Variants in SETD4 observed in about 807,000 individuals in gnomAD.
The protein encoded by SETD4 is SET domain-containing protein 4.
A neutral mutation model predicts 58.3 loss-of-function variants in SETD4; 46 were observed. The observed-to-expected ratio is 0.79, with a 90% CI of 0.62 to 1.01. SETD4 has a LOEUF of 1.01. Ranked by LOEUF, SETD4 falls within the 50% of genes least tolerant of loss-of-function variation. SETD4 has a pLI of 0.00. For synonymous variants in SETD4, 190 were observed against 202.6 expected (o/e 0.94, Z 0.53); for missense variants, 490 against 523.3 (o/e 0.94, Z 0.62).
intron 4 of SETD4, chr21:36,053,310 G>A: frequency 1.9e-6 from 1 of 515,740 alleles, no homozygotes; most frequent in Non-Finnish European, 3.5e-6. Context: ...CCAGCCATGG[G>A]ACTGCCCCAC....
At position 36,057,099 on chromosome 21, in the gene SETD4, T is replaced by C. The variant is rs745317966; in HGVS notation, c.169+10A>G. 43 of 1,612,486 alleles carry C rather than the reference T, an allele frequency of 2.7e-5. No individual in the cohort carries two copies. The Admixed American group carries it at 4.8e-4, about 18-fold the overall frequency. The stretch of plus-strand genomic sequence containing the variant: ...GGGAAAGGGCAGGACAGCTGAAGGC[T>C]AGATCTTACCTGGAAAACAAGCAGG... On this transcript the variant is annotated intron_variant, in intron 3 of 11. Coordinates refer to ENST00000332131, the MANE Select transcript of SETD4 (RefSeq NM_017438.5).
At position 36,045,895 on chromosome 21, in the gene SETD4, G is replaced by GAT; in HGVS notation, c.412_413insAT (p.Thr138AsnfsTer12). 6.2e-7 allele frequency: 1 copy of GAT among 1,614,210 alleles called. No individual in the cohort carries two copies. Among genetic ancestry groups the GAT allele is most frequent in the Non-Finnish European group, 8.5e-7 (1 of 1,180,044 alleles). On this transcript the variant is annotated frameshift_variant, in exon 6 of 12. Coordinates refer to ENST00000332131, the MANE Select transcript of SETD4 (RefSeq NM_017438.5). LOFTEE classifies it high-confidence loss of function. Reference sequence around the variant, plus strand: ...TTCCGGCTCCAAACAAACAGGGCAGGTATACGCCTTGGGTAAAATCTCCAG... The same window carrying GAT: ...TTCCGGCTCCAAACAAACAGGGCAGGATTATACGCCTTGGGTAAAATCTCCAG...
chr21:36,045,612 CA>C lies in SETD4; in HGVS notation c.695del (p.Leu232ArgfsTer4). 2 of 1,614,046 alleles carry C rather than the reference CA, an allele frequency of 1.2e-6. No individual in the cohort carries two copies. The highest frequency in any genetic ancestry group is 1.7e-6 in the Non-Finnish European group (2 of 1,179,996). ...EPDTCALAPY[L>X]DLLNHSPHVQ... ...CATGTGGGCTATGATTCAGCAGGTC[CA>C]GGTACGGAGCGAGTGCACAGGTGTC... On this transcript the variant is annotated frameshift_variant, in exon 6 of 12. Transcript: ENST00000332131. LOFTEE classifies it high-confidence loss of function.
Position 36,048,296 on chromosome 21 carries a change from G to A in SETD4, c.296+12C>T, listed in dbSNP as rs114790529. 2,343 of 1,607,614 alleles carry A rather than the reference G, an allele frequency of 1.5e-3. 28 individuals are homozygous for A. The African/African-American group carries it at 0.027, about 18-fold the overall frequency. The stretch of plus-strand genomic sequence containing the variant: ...GCACTTGCACCAGGTAAGCAAGTGT[G>A]TGGTCACTTACTTAGTAATGTATGC... On this transcript the variant is annotated intron_variant, in intron 5 of 11. Transcript: ENST00000332131.
At chr21:36,043,608 T>A in intron 7 of SETD4, 174 bp downstream of exon 7, 2 of 1,411,592 alleles carry the variant, frequency 1.4e-6, no homozygotes, top group Non-Finnish European at 1.8e-6. Context: ...TTGTTTTTAC[T>A]TCAACACTGA....
Position 36,035,898 on chromosome 21 carries a change from C to T in SETD4, c.*95G>A. Reference sequence around the variant, plus strand: ...TGTGCTGCCCCCTGCAGAAATCCTGCATGTCCTGGGGGCAGCCACCACCCC... The same window carrying T: ...TGTGCTGCCCCCTGCAGAAATCCTGTATGTCCTGGGGGCAGCCACCACCCC... On this transcript the variant is annotated 3_prime_UTR_variant, in exon 12 of 12. Coordinates refer to ENST00000332131, the MANE Select transcript of SETD4 (RefSeq NM_017438.5). 1 of 569,726 alleles carries T rather than the reference C, an allele frequency of 1.8e-6. No individual in the cohort carries two copies. Among genetic ancestry groups the T allele is most frequent in the South Asian group, 2.0e-5 (1 of 49,778 alleles). 35.3% of individuals were successfully genotyped at this position (569,726 alleles called of 1,614,324 possible).
chr21:36,038,962 G>A (rs563122755), intron 9 of SETD4, among the ~76,000 whole-genome samples: 68 of 152,114 alleles, frequency 4.5e-4, no homozygotes, highest in African/African-American at 1.4e-3. Flanking sequence ...ACGGAGGACC[G>A]GATTCTGAAC....
Position 36,035,906 on chromosome 21 carries a change from G to T in SETD4, c.*87C>A. 1 of 592,514 alleles carries T rather than the reference G, an allele frequency of 1.7e-6. No homozygotes were observed. The highest frequency in any genetic ancestry group is 2.9e-6 in the Non-Finnish European group (1 of 342,624). 36.7% of individuals were successfully genotyped at this position (592,514 alleles called of 1,614,324 possible). On this transcript the variant is annotated 3_prime_UTR_variant, in exon 12 of 12. Coordinates refer to ENST00000332131, the MANE Select transcript of SETD4 (RefSeq NM_017438.5). Reference sequence around the variant, plus strand: ...CCCCTGCAGAAATCCTGCATGTCCTGGGGGCAGCCACCACCCCAGCCCATG... The same window carrying T: ...CCCCTGCAGAAATCCTGCATGTCCTTGGGGCAGCCACCACCCCAGCCCATG...
chr21:36,057,185 AG>A lies in SETD4; in HGVS notation c.92del (p.Ser31LeufsTer4). 1 of 1,614,186 alleles carries A rather than the reference AG, an allele frequency of 6.2e-7. No homozygotes were observed. Among genetic ancestry groups the A allele is most frequent in the East Asian group, 2.2e-5 (1 of 44,888 alleles). On this transcript the variant is annotated frameshift_variant, in exon 3 of 12. Coordinates refer to ENST00000332131, the MANE Select transcript of SETD4 (RefSeq NM_017438.5). LOFTEE classifies it high-confidence loss of function. ...GCCACTTCCTCAGCTCTATAAATTC[AG>A]ACTTGTGGCTCTCATTCACTATCAG... ...ESRGVNESHKSEFIELRKWLK... is the reference protein window; with the variant it reads ...ESRGVNESHKXEFIELRKWLK...
chr21:36,057,523 T>C (rs1303436734), intron 2 of SETD4: 7 of 546,622 alleles, frequency 1.3e-5, no homozygotes, highest in Admixed American at 1.1e-4. Flanking sequence ...GGACCACCAC[T>C]GTACATGTGA....
At chr21:36,040,224 A>G (rs574590895) in intron 9 of SETD4, among the ~76,000 whole-genome samples, 52 of 152,120 alleles carry the variant, frequency 3.4e-4, no homozygotes, top group African/African-American at 1.2e-3. Flanking sequence ...CTCTAGCTCT[A>G]CTTGTCCTGG....
At chr21:36,052,384 TAA>T (rs143468751) in intron 4 of SETD4, among the ~76,000 whole-genome samples, 61 of 122,710 alleles carry the variant, frequency 5.0e-4, no homozygotes, top group African/African-American at 1.5e-3. Flanking sequence ...CTGTCTCTAC[TAA>T]AAAAAAAAAA....
intron 4 of SETD4, chr21:36,053,264 A>C (rs1221104424): frequency 2.5e-6 from 1 of 402,368 alleles, no homozygotes; most frequent in African/African-American, 2.0e-5. Context: ...AGTTCCCTTA[A>C]GGACATGAGA....
chr21:36,056,162 A>G (rs2064971729), intron 3 of SETD4, among the ~76,000 whole-genome samples: 1 of 152,230 alleles, frequency 6.6e-6, no homozygotes, highest in African/African-American at 2.4e-5. Flanking sequence ...ATGGAGAACA[A>G]CTTTACACAC....
intron 5 of SETD4, among the ~76,000 whole-genome samples, chr21:36,046,426 T>TA (rs1256417710): frequency 6.6e-6 from 1 of 152,256 alleles, no homozygotes; most frequent in East Asian, 1.9e-4. Context: ...CACCATCCGA[T>TA]ATAGTAATCA....
chr21:36,054,684 C>A (rs566603745), intron 3 of SETD4, among the ~76,000 whole-genome samples: 1 of 141,458 alleles, frequency 7.1e-6, no homozygotes, highest in East Asian at 2.1e-4. Context: ...GCCTCAAGTC[C>A]TCCATCGGTT....
chr21:36,058,026 G>A (rs1462011754), intron 2 of SETD4, among the ~76,000 whole-genome samples: 1 of 152,224 alleles, frequency 6.6e-6, no homozygotes, highest in Admixed American at 6.5e-5. Flanking sequence ...TGAATTTGAA[G>A]TCATAAATTT....
chr21:36,049,953 TACA>T (rs1458554388), intron 4 of SETD4, among the ~76,000 whole-genome samples: 3 of 152,322 alleles, frequency 2.0e-5, no homozygotes, highest in Admixed American at 6.5e-5. Context: ...AAAAATATTG[TACA>T]ACAATATGAA....
chr21:36,039,983 C>T (rs1434563378), intron 9 of SETD4, among the ~76,000 whole-genome samples: 1 of 152,252 alleles, frequency 6.6e-6, no homozygotes, highest in African/African-American at 2.4e-5. Flanking sequence ...TTGAAGGCTG[C>T]TCTCCCTGCC....
Sources: gnomAD v4.1 joint callset for allele counts (sites outside exome capture counted in the v4.1 genomes callset) on GRCh38, gnomAD v4.1.1 for gene constraint, MANE v1.5 for transcripts, NCBI Gene and HGNC (gene_info 2026-07-23, HGNC 2026-07-21) for gene names.